The following PRSS23 variants were observed in gnomAD, a reference collection of about 807,000 sequenced individuals.
PRSS23 encodes the protein protease, serine 23.
PRSS23 carries 25 observed loss-of-function variants against 34.7 expected under a neutral mutation model. The ratio of observed to expected loss-of-function variants is 0.72; its 90% CI spans 0.53 to 1.01. The LOEUF is 1.01. PRSS23 is among the 50% of genes least tolerant of loss of function. The probability of loss-of-function intolerance (pLI) is 0.00; values close to 1 mark genes in which losing one functional copy is unlikely to be tolerated. For missense variants in PRSS23, 445 were observed against 475.6 expected, an observed-to-expected ratio of 0.94 and a Z score of 0.60; for synonymous variants, 176 against 186.6, an observed-to-expected ratio of 0.94 and a Z score of 0.46.
chr11:86,827,827 G>A (rs1948315494), intron 2 of PRSS23, among the ~76,000 whole-genome samples: 1 of 152,168 alleles, frequency 6.6e-6, no homozygotes, highest in South Asian at 2.1e-4. Flanking sequence ...TTAATCCTCA[G>A]TTCTAGTTTG....
chr11:86,899,946 T>C (rs1010155020), intron 2 of PRSS23, among the ~76,000 whole-genome samples: 1 of 152,066 alleles, frequency 6.6e-6, no homozygotes, highest in African/African-American at 2.4e-5. Flanking sequence ...AAGATGTTTT[T>C]AGTTGTCTTT....
chr11:86,936,024 C>G (rs1590935317), intron 2 of PRSS23: 1 of 152,196 alleles, frequency 6.6e-6, no homozygotes, highest in Non-Finnish European at 1.5e-5. Flanking sequence ...CCAGCCCTGC[C>G]AGCCACAATT....
rs375677303 is a variant in PRSS23, at chr11:86,862,006, A to G, written c.206+38413A>G. Among the ~76,000 whole-genome samples, 7 of 151,504 alleles carry G rather than the reference A, an allele frequency of 4.6e-5. No individual in the cohort carries two copies. In the East Asian group the frequency reaches 5.9e-4, roughly 13 times the overall value. ...ATACAGGGGGTGAGAGAATGATATT[A>G]CATCCCATATCACATGGGGTGTACA... On this transcript the variant is annotated intron_variant, in intron 2 of 2. Transcript: ENST00000533902.
chr11:86,853,634 C>T (rs1184705362), intron 2 of PRSS23, among the ~76,000 whole-genome samples: 6 of 152,150 alleles, frequency 3.9e-5, no homozygotes, highest in African/African-American at 1.4e-4. Flanking sequence ...CTTCTGTCCA[C>T]GAACGCTTGG....
At chr11:86,828,103 C>T (rs1332357354) in intron 2 of PRSS23, among the ~76,000 whole-genome samples, 1 of 152,178 alleles carries the variant, frequency 6.6e-6, no homozygotes, top group Non-Finnish European at 1.5e-5. Context: ...GTGTTAAAGT[C>T]TCCCATTATT....
chr11:86,932,848 G>A (rs550238616), intron 2 of PRSS23: 1 of 152,276 alleles, frequency 6.6e-6, no homozygotes, highest in African/African-American at 2.4e-5. Flanking sequence ...TTATTAATGG[G>A]TGTCTGTCAT....
intron 2 of PRSS23, among the ~76,000 whole-genome samples, chr11:86,838,785 G>A (rs12272313): frequency 1.3e-5 from 2 of 152,168 alleles, no homozygotes; most frequent in East Asian, 3.9e-4. Context: ...AGGAAAGATC[G>A]GGCAGCAATA....
At chr11:86,839,401 G>T (rs1948430964) in intron 2 of PRSS23, among the ~76,000 whole-genome samples, 1 of 151,960 alleles carries the variant, frequency 6.6e-6, no homozygotes, top group Non-Finnish European at 1.5e-5. Context: ...GAAGAATAGA[G>T]AAAAAAGAGG....
intron 2 of PRSS23, among the ~76,000 whole-genome samples, chr11:86,932,257 C>T (rs1015395927): frequency 6.6e-6 from 1 of 152,158 alleles, no homozygotes; most frequent in Non-Finnish European, 1.5e-5. Flanking sequence ...TGCCAGAAGT[C>T]GTTTTCTACT....
intron 2 of PRSS23, among the ~76,000 whole-genome samples, chr11:86,872,937 G>A (rs1238897848): frequency 6.6e-6 from 1 of 152,052 alleles, no homozygotes; most frequent in Non-Finnish European, 1.5e-5. Context: ...TATATCTAAA[G>A]ACTCTACCAC....
chr11:86,840,916 A>G (rs1948442508), intron 2 of PRSS23, among the ~76,000 whole-genome samples: 1 of 152,250 alleles, frequency 6.6e-6, no homozygotes, highest in Non-Finnish European at 1.5e-5. Flanking sequence ...AACCAGTGAG[A>G]ACAAACACAC....
chr11:86,848,119 C>T (rs1441059554), intron 2 of PRSS23, among the ~76,000 whole-genome samples: 1 of 152,230 alleles, frequency 6.6e-6, no homozygotes, highest in Non-Finnish European at 1.5e-5. Context: ...CCTTCTCACT[C>T]TCAAATTTAA....
At chr11:86,886,951 A>T (rs1439783409) in intron 2 of PRSS23, among the ~76,000 whole-genome samples, 2 of 152,194 alleles carry the variant, frequency 1.3e-5, no homozygotes, top group Non-Finnish European at 2.9e-5. Context: ...TAAAAAAATA[A>T]ATAAATAAAA....
At position 86,932,176 on chromosome 11, in the gene PRSS23, C is replaced by G. The variant is rs573563684; in HGVS notation, c.207-19040C>G. On this transcript the variant is annotated intron_variant, in intron 2 of 2. Coordinates refer to the PRSS23 transcript ENST00000533902. The stretch of plus-strand genomic sequence containing the variant: ...GTCACAGTTTGGCAGGAAGTGGGAC[C>G]AATGACTGCTGAGAGTCATCAGAAT... Among the ~76,000 whole-genome samples the G allele has an allele frequency of 3.3e-5, 5 of 152,130 alleles. No individual in the cohort carries two copies. In the East Asian group the frequency reaches 7.7e-4, roughly 23 times the overall value.
In PRSS23 at chr11:86,916,147, A is replaced by G. The variant is rs568180154; in HGVS notation, c.207-35069A>G. Among the ~76,000 whole-genome samples, 29 of 152,366 alleles carry G rather than the reference A, an allele frequency of 1.9e-4. 1 individual carries two copies. In the South Asian group the frequency reaches 6.0e-3, roughly 32 times the overall value. On this transcript the variant is annotated intron_variant, in intron 2 of 2. Coordinates refer to the PRSS23 transcript ENST00000533902. ...CCAGACCAGAATAAATAATGCATAC[A>G]AATATAATATTTAAAAAGAAAGTTT...
chr11:86,794,271 C>T (rs1157086512), intron 1 of PRSS23, among the ~76,000 whole-genome samples: 1 of 152,058 alleles, frequency 6.6e-6, no homozygotes, highest in East Asian at 1.9e-4. Context: ...ATCATAAGAT[C>T]CAGTATGCAA....
At chr11:86,913,672 T>C (rs1312033170) in intron 2 of PRSS23, among the ~76,000 whole-genome samples, 4 of 151,676 alleles carry the variant, frequency 2.6e-5, no homozygotes, top group African/African-American at 4.9e-5. Flanking sequence ...GACTCTTAAA[T>C]TCCAACTCTG....
At chr11:86,812,818 A>AAAAAGG (rs1948189730), downstream of PRSS23, among the ~76,000 whole-genome samples, 1 of 151,648 alleles carries the variant, frequency 6.6e-6, no homozygotes, top group South Asian at 2.1e-4. Flanking sequence ...AAAGAAAAAG[A>AAAAAGG]AAAAAGAAAG....
chr11:86,943,573 G>A lies in PRSS23; in HGVS notation c.207-7643G>A, dbSNP rs542605183. ...AGGGAGGCGGAGGTTGCAGTGAGCC[G>A]AGATCAAGTCATTGCACTCCAGCCT... On this transcript the variant is annotated intron_variant, in intron 2 of 2. Transcript: ENST00000533902. Among the ~76,000 whole-genome samples the A allele has an allele frequency of 1.9e-3, 284 of 151,874 alleles. 1 individual carries two copies. Among genetic ancestry groups the A allele is most frequent in the Middle Eastern group, 0.01 (3 of 294 alleles).
Sources: gnomAD v4.1 joint callset for allele counts (sites outside exome capture counted in the v4.1 genomes callset) on GRCh38, gnomAD v4.1.1 for gene constraint, MANE v1.5 for transcripts, NCBI Gene and HGNC (gene_info 2026-07-23, HGNC 2026-07-21) for gene names.